ACACB: variants seen among roughly 807,000 people sequenced by gnomAD.
ACACB encodes the protein acetyl-CoA carboxylase 2.
In ACACB, 209 loss-of-function variants were observed where a neutral mutation model predicts 278.8. The ratio of observed to expected loss-of-function variants is 0.75; its 90% CI spans 0.67 to 0.84. The LOEUF is 0.84. ACACB is among the 40% of genes least tolerant of loss of function. The probability of loss-of-function intolerance (pLI) is 0.00; values close to 1 mark genes in which losing one functional copy is unlikely to be tolerated. For missense variants in ACACB, 2,850 were observed against 3,269.0 expected (o/e 0.87, Z 3.13); for synonymous variants, 1,174 against 1,285.6 (o/e 0.91, Z 1.86).
chr12:109,236,251 A>C (rs2046630092), intron 33 of ACACB: 1 of 152,820 alleles, frequency 6.5e-6, no homozygotes, highest in Non-Finnish European at 1.5e-5. Flanking sequence ...TTGTATTTCC[A>C]TTGAGAGCCC....
intron 22 of ACACB, among the ~76,000 whole-genome samples, chr12:109,213,156 C>G (rs957956846): frequency 4.6e-5 from 7 of 152,220 alleles, no homozygotes; most frequent in African/African-American, 1.7e-4. Context: ...CTCCGCCTCC[C>G]AGGTTCAAGC....
At position 109,210,227 on chromosome 12, in the gene ACACB, GTATA is replaced by G. The variant is rs774117136; in HGVS notation, c.3249+876_3249+879del. ...TATATGTATATATACACACATGTGT[GTATA>G]TGTATATATGTATATATACACACAT... On this transcript the variant is annotated intron_variant, in intron 21 of 52. Transcript: ENST00000338432. Among the ~76,000 whole-genome samples, 21 of 11,068 alleles carry G rather than the reference GTATA, an allele frequency of 1.9e-3. 6 individuals carry two copies. Among genetic ancestry groups the G allele is most frequent in the African/African-American group, 4.7e-3 (15 of 3,180 alleles). The allele number at this position is 11,068 out of a possible 152,430, so 7.3% of individuals were successfully genotyped here.
chr12:109,260,546 C>A lies in ACACB; in HGVS notation c.6563C>A (p.Pro2188His). Reference protein sequence around the residue: ...IVDGLRQYKQPILIYIPPYAE... With the variant: ...IVDGLRQYKQHILIYIPPYAE... Reference sequence around the variant, plus strand: ...GACGGCCTTAGACAATACAAACAGCCCATCCTGATCTATATCCCGCCCTAT... The same window carrying A: ...GACGGCCTTAGACAATACAAACAGCACATCCTGATCTATATCCCGCCCTAT... The change falls in exon 48 of 53, where the codon CCC becomes CAC. Residue 2188 changes from proline to histidine, a missense_variant. By Grantham distance (77) the Pro-to-His change is moderately conservative (BLOSUM62 -2). Around this residue, in one of 3 missense-constraint regions of ACACB, gnomAD observed 579 missense variants for 684.6 expected, o/e 0.85. Coordinates refer to ENST00000338432, the MANE Select transcript of ACACB (RefSeq NM_001093.4). The A allele has an allele frequency of 6.2e-7, 1 of 1,614,246 alleles. No individual in the cohort carries two copies. Among genetic ancestry groups the A allele is most frequent in the Non-Finnish European group, 8.5e-7 (1 of 1,180,044 alleles).
At chr12:109,174,255 G>C in intron 7 of ACACB, 25 bp downstream of exon 7, 1 of 1,573,428 alleles carries the variant, frequency 6.4e-7, no homozygotes, top group Non-Finnish European at 8.7e-7. Flanking sequence ...GCTTCCCTCT[G>C]GGGGAGCTTC....
At chr12:109,254,932 A>T (rs961779387) in intron 44 of ACACB, among the ~76,000 whole-genome samples, 1 of 151,888 alleles carries the variant, frequency 6.6e-6, no homozygotes, top group Non-Finnish European at 1.5e-5. Context: ...CTGCCACCAC[A>T]CCCAGCTAAT....
rs968053147 is a variant in ACACB, at chr12:109,193,522, C to G, written c.2400-126C>G. On this transcript the variant is annotated intron_variant, in intron 15 of 52. Transcript: ENST00000338432. ...CGTGAGCCATTGCGCCCAGCCCAGG[C>G]TTAGCATTTTTAGTGCAGTCAGGTT... 189 of 761,726 alleles carry G rather than the reference C, an allele frequency of 2.5e-4. 5 individuals are homozygous for G. The South Asian group carries it at 2.9e-3, about 12-fold the overall frequency. The allele number at this position is 761,726 out of a possible 1,614,324, so 47.2% of individuals were successfully genotyped here.
At position 109,238,342 on chromosome 12, in the gene ACACB, A is replaced by AT. The variant is rs750967305; in HGVS notation, c.4662+978dup. Reference sequence around the variant, plus strand: ...TCCTTGCATGGATGTACCGTGTATAATTTTTTTTTTTTTTTTACTAATCCC... The same window carrying AT: ...TCCTTGCATGGATGTACCGTGTATAATTTTTTTTTTTTTTTTTACTAATCCC... On this transcript the variant is annotated intron_variant, in intron 34 of 52. Transcript: ENST00000338432. Among the ~76,000 whole-genome samples the AT allele has an allele frequency of 3.1e-3, 418 of 133,706 alleles. 2 individuals are homozygous for AT. The highest frequency in any genetic ancestry group is 5.0e-3 in the African/African-American group (181 of 36,384). 87.7% of individuals were successfully genotyped at this position (133,706 alleles called of 152,430 possible).
chr12:109,116,927 G>A (rs749868489), intron 1 of ACACB, among the ~76,000 whole-genome samples: 13 of 151,088 alleles, frequency 8.6e-5, no homozygotes. Context: ...ATGGTGGTGT[G>A]GATCCCTGGA....
intron 2 of ACACB, among the ~76,000 whole-genome samples, chr12:109,146,506 T>G (rs2043245403): frequency 6.6e-6 from 1 of 152,172 alleles, no homozygotes; most frequent in South Asian, 2.1e-4. Flanking sequence ...TTCTCACAAC[T>G]GTGTTCCTGT....
intron 2 of ACACB, among the ~76,000 whole-genome samples, chr12:109,153,058 C>A (rs1183131613): frequency 6.6e-6 from 1 of 152,172 alleles, no homozygotes; most frequent in African/African-American, 2.4e-5. Flanking sequence ...CTGATCTCGG[C>A]TCACTTAAAC....
intron 34 of ACACB, 133 bp downstream of exon 34, chr12:109,237,513 T>C: frequency 1.1e-6 from 1 of 942,602 alleles, no homozygotes; most frequent in East Asian, 2.6e-5. Context: ...CTGCCCTTGC[T>C]ATGCTCCAGT....
At chr12:109,236,587 C>T (rs927388377) in intron 33 of ACACB, among the ~76,000 whole-genome samples, 9 of 152,156 alleles carry the variant, frequency 5.9e-5, no homozygotes, top group Non-Finnish European at 1.2e-4. Context: ...CATTTACTCT[C>T]TGGCCATTTA....
intron 37 of ACACB, among the ~76,000 whole-genome samples, chr12:109,244,185 C>G (rs533270724): frequency 2.0e-5 from 3 of 152,286 alleles, no homozygotes; most frequent in Non-Finnish European, 2.9e-5. Context: ...GTTCATGAAA[C>G]CAAGGTCAAG....
intron 1 of ACACB, among the ~76,000 whole-genome samples, chr12:109,132,251 G>C: frequency 6.6e-6 from 1 of 151,848 alleles, no homozygotes; most frequent in East Asian, 1.9e-4. Flanking sequence ...TGCAACCTCT[G>C]CCTCCTGGGT....
chr12:109,129,646 T>C (rs2042773007), intron 1 of ACACB, among the ~76,000 whole-genome samples: 1 of 152,240 alleles, frequency 6.6e-6, no homozygotes, highest in East Asian at 1.9e-4. Context: ...TCCATGCTGC[T>C]GAAAGCCCAG....
intron 33 of ACACB, chr12:109,236,110 G>A: frequency 6.3e-6 from 1 of 157,726 alleles, no homozygotes; most frequent in Admixed American, 6.1e-5. Context: ...GGGACTATAG[G>A]CACATGCCAC....
intron 2 of ACACB, among the ~76,000 whole-genome samples, chr12:109,147,218 C>T (rs778511640): frequency 2.6e-5 from 4 of 151,652 alleles, no homozygotes; most frequent in Non-Finnish European, 4.4e-5. Context: ...GAGATTATGT[C>T]TGTTTTTGTT....
intron 17 of ACACB, among the ~76,000 whole-genome samples, chr12:109,198,369 G>A (rs906727097): frequency 6.6e-6 from 1 of 152,128 alleles, no homozygotes; most frequent in Admixed American, 6.6e-5. Context: ...TCAGTAAAAG[G>A]AACCAGCTTT....
chr12:109,137,883 C>A (rs909212725), intron 1 of ACACB, among the ~76,000 whole-genome samples: 1 of 145,988 alleles, frequency 6.8e-6, no homozygotes, highest in Non-Finnish European at 1.5e-5. Flanking sequence ...GCCTCCTGGG[C>A]TTTTCTTTTC....
Sources: gnomAD v4.1 joint callset for allele counts (sites outside exome capture counted in the v4.1 genomes callset) on GRCh38, gnomAD v4.1.1 for gene constraint, gnomAD v4.1.1 regional missense constraint, MANE v1.5 for transcripts, NCBI Gene and HGNC (gene_info 2026-07-23, HGNC 2026-07-21) for gene names.